Variants in CLIC5 observed in about 807,000 individuals in gnomAD.
The protein encoded by CLIC5 is chloride intracellular channel protein 5.
CLIC5 carries 20 observed loss-of-function variants against 24.7 expected under a neutral mutation model. The observed-to-expected ratio is 0.81, with a 90% CI of 0.57 to 1.18. The LOEUF is 1.18. Among genes scored for constraint, CLIC5 ranks in the 50% most tolerant of loss-of-function variants. The probability of loss-of-function intolerance (pLI) is 0.00; values close to 1 mark genes in which losing one functional copy is unlikely to be tolerated. For missense variants in CLIC5, 341 were observed against 326.1 expected, an observed-to-expected ratio of 1.05 and a Z score of -0.35; for synonymous variants, 159 against 135.6, an observed-to-expected ratio of 1.17 and a Z score of -1.20.
intron 1 of CLIC5, among the ~76,000 whole-genome samples, chr6:45,984,297 G>A (rs934143834): frequency 2.0e-5 from 3 of 152,176 alleles, no homozygotes; most frequent in Non-Finnish European, 2.9e-5. Flanking sequence ...CTCCTGGCCT[G>A]GGAGTCTGCT....
Position 46,015,479 on chromosome 6 carries a change from C to T in CLIC5, c.63+1G>A, listed in dbSNP as rs1766968153. The T allele has an allele frequency of 1.3e-6, 2 of 1,541,550 alleles. No individual in the cohort carries two copies. Among genetic ancestry groups the T allele is most frequent in the Non-Finnish European group, 1.7e-6 (2 of 1,143,660 alleles). On this transcript the variant is annotated splice_donor_variant, in intron 1 of 5. Coordinates refer to ENST00000339561, the MANE Select transcript of CLIC5 (RefSeq NM_016929.5). LOFTEE classifies it high-confidence loss of function. ...CGGCGGGAGACTGGACCCCGACCTA[C>T]CTTCACAAAGAGCTCGATCTCGGGG...
At position 45,912,180 on chromosome 6, in the gene CLIC5, G is replaced by A. The variant is rs915704740; in HGVS notation, c.588+2048C>T. 6 of 986,420 alleles carry A rather than the reference G, an allele frequency of 6.1e-6. No individual in the cohort carries two copies. The South Asian group carries it at 2.8e-4, about 46-fold the overall frequency. 61.1% of individuals were successfully genotyped at this position (986,420 alleles called of 1,614,324 possible). On this transcript the variant is annotated intron_variant, in intron 5 of 5. Transcript: ENST00000339561. Reference sequence around the variant, plus strand: ...GAAGCCAAACTGGAGGCCTGACTTGGCTTCCCCTTCGCTCTTTGTGAACTT... The same window carrying A: ...GAAGCCAAACTGGAGGCCTGACTTGACTTCCCCTTCGCTCTTTGTGAACTT...
At chr6:46,024,806 G>T (rs1267295788) in intron 1 of CLIC5, among the ~76,000 whole-genome samples, 1 of 152,112 alleles carries the variant, frequency 6.6e-6, no homozygotes, top group Non-Finnish European at 1.5e-5. Context: ...GTGGACATGA[G>T]GCATCAACAC....
chr6:45,958,445 T>TACACACACAC lies in CLIC5; in HGVS notation c.64-3202_64-3201insGTGTGTGTGT, dbSNP rs1414421064. On this transcript the variant is annotated intron_variant, in intron 1 of 5. Coordinates refer to ENST00000339561, the MANE Select transcript of CLIC5 (RefSeq NM_016929.5). ...AATTATATATATATATATATATATA[T>TACACACACAC]ATATATATATATATATATATATATA... is the stretch of plus-strand genomic sequence containing the variant. Among the ~76,000 whole-genome samples, 24 of 76,440 alleles carry TACACACACAC rather than the reference T, an allele frequency of 3.1e-4. 2 individuals carry two copies. The highest frequency in any genetic ancestry group is 1.1e-3 in the East Asian group (3 of 2,846). The allele number at this position is 76,440 out of a possible 152,430, so 50.1% of individuals were successfully genotyped here. A position where few individuals can be genotyped will look rare whatever the true frequency, so the allele number is the denominator to read the frequency against.
chr6:45,926,621 A>G (rs1484635441), intron 4 of CLIC5, among the ~76,000 whole-genome samples: 1 of 152,112 alleles, frequency 6.6e-6, no homozygotes, highest in Admixed American at 6.6e-5. Flanking sequence ...GGGTCTTAGA[A>G]AAATAATTTG....
At chr6:46,014,863 C>T (rs1766940003) in intron 1 of CLIC5, 1 of 152,216 alleles carries the variant, frequency 6.6e-6, no homozygotes, top group Non-Finnish European at 1.5e-5. Context: ...AAACGCCTAA[C>T]ATTTCCTTGA....
chr6:45,987,599 A>T (rs747833289), intron 1 of CLIC5, among the ~76,000 whole-genome samples: 24 of 152,290 alleles, frequency 1.6e-4, no homozygotes, highest in Non-Finnish European at 2.2e-4. Context: ...CAAAAGAATT[A>T]TTTTTCACAG....
intron 1 of CLIC5, among the ~76,000 whole-genome samples, chr6:45,960,563 C>A (rs1193823428): frequency 6.6e-6 from 1 of 152,174 alleles, no homozygotes; most frequent in Non-Finnish European, 1.5e-5. Flanking sequence ...GCTATAGGCT[C>A]AGCATGCAAC....
At chr6:46,076,457 G>A (rs537173855) in intron 1 of CLIC5, among the ~76,000 whole-genome samples, 1 of 152,334 alleles carries the variant, frequency 6.6e-6, no homozygotes, top group South Asian at 2.1e-4. Context: ...CAAGAGAAAT[G>A]CAAGGAGAGT....
upstream of CLIC5, among the ~76,000 whole-genome samples, chr6:46,017,884 T>C (rs1767065765): frequency 6.6e-6 from 1 of 152,228 alleles, no homozygotes; most frequent in South Asian, 2.1e-4. Flanking sequence ...AGACTCTCAG[T>C]GCAAATTCCT....
chr6:45,919,175 C>A, intron 4 of CLIC5: 1 of 881,688 alleles, frequency 1.1e-6, no homozygotes, highest in Non-Finnish European at 1.4e-6. Context: ...TGTCTCTTTG[C>A]ATTGATATGC....
intron 1 of CLIC5, among the ~76,000 whole-genome samples, chr6:46,048,494 C>T (rs1768016573): frequency 6.6e-6 from 1 of 152,100 alleles, no homozygotes; most frequent in African/African-American, 2.4e-5. Flanking sequence ...TCTTTGGCCT[C>T]ATACACAGCA....
chr6:45,897,126 A>G (rs1189183838), downstream of CLIC5, among the ~76,000 whole-genome samples: 1 of 152,178 alleles, frequency 6.6e-6, no homozygotes, highest in South Asian at 2.1e-4. Flanking sequence ...GTTTTGCAGC[A>G]TGTTGCCTTT....
chr6:45,978,881 C>T (rs543736745), intron 1 of CLIC5, among the ~76,000 whole-genome samples: 7 of 151,688 alleles, frequency 4.6e-5, no homozygotes, highest in African/African-American at 9.7e-5. Context: ...ACCCAGGATG[C>T]GGAGGTTGCA....
In CLIC5 at chr6:45,949,351, G is replaced by C. The variant is rs151203192; in HGVS notation, c.204C>G (p.Pro68=). The change falls in exon 3 of 6, where the codon CCC becomes CCG. Residue 68 remains proline (P), a synonymous_variant. Transcript: ENST00000339561. ...RKPADLHNLA[P]GTHPPFLTFN... ...AGGTCAGGAAGGGCGGGTGCGTGCCGGGGGCTAGGTTGTGCAGGTCAGCTG... is the reference window on the plus strand; with the variant it reads ...AGGTCAGGAAGGGCGGGTGCGTGCCCGGGGCTAGGTTGTGCAGGTCAGCTG... 1.9e-6 allele frequency: 3 copies of C among 1,613,044 alleles called. No individual in the cohort carries two copies. In the East Asian group the frequency reaches 6.7e-5, roughly 36 times the overall value.
rs1764136535 is a variant in CLIC5 at position 45,941,657 on chromosome 6, G to A, written c.300-4C>T. Reference sequence around the variant, plus strand: ...TTTTGCAGCCAGTTTGGGGTACCTGGAATGGAGGATGCAGTGTTCTGTGAA... The same window carrying A: ...TTTTGCAGCCAGTTTGGGGTACCTGAAATGGAGGATGCAGTGTTCTGTGAA... On this transcript the variant is annotated splice_polypyrimidine_tract_variant and splice_region_variant and intron_variant, in intron 3 of 5. Transcript: ENST00000339561. The A allele has an allele frequency of 6.2e-7, 1 of 1,609,008 alleles. No individual in the cohort carries two copies. The highest frequency in any genetic ancestry group is 1.7e-5 in the Admixed American group (1 of 60,018).
Position 45,922,822 on chromosome 6 carries a change from A to AG in CLIC5, c.407-8414_407-8413insC, listed in dbSNP as rs1491565342. 1.2e-3 allele frequency among the ~76,000 whole-genome samples: 175 copies of AG among 146,716 alleles called. 1 individual carries two copies. Among genetic ancestry groups the AG allele is most frequent in the African/African-American group, 2.7e-3 (104 of 38,504 alleles). ...AGAAGGGAGGAAGAGAGAGAGAGAG[A>AG]AAGAGAGAGAGATAGAGAGAGAGAG... On this transcript the variant is annotated intron_variant, in intron 4 of 5. Transcript: ENST00000339561.
chr6:46,073,417 G>A (rs1241728626), intron 1 of CLIC5, among the ~76,000 whole-genome samples: 1 of 152,146 alleles, frequency 6.6e-6, no homozygotes, highest in African/African-American at 2.4e-5. Flanking sequence ...TTTATATGAA[G>A]CCACAGATTT....
chr6:46,039,645 G>A (rs955175917), intron 1 of CLIC5, among the ~76,000 whole-genome samples: 3 of 152,024 alleles, frequency 2.0e-5, no homozygotes, highest in Admixed American at 6.6e-5. Context: ...AGATATGTTG[G>A]AATAAAAAAC....
Sources: gnomAD v4.1 joint callset for allele counts (sites outside exome capture counted in the v4.1 genomes callset) on GRCh38, gnomAD v4.1.1 for gene constraint, MANE v1.5 for transcripts, NCBI Gene and HGNC (gene_info 2026-07-23, HGNC 2026-07-21) for gene names.